The following BBS4 variants were observed in gnomAD, a reference collection of about 807,000 sequenced individuals.
The protein encoded by BBS4 is Bardet-Biedl syndrome 4.
In BBS4, 58 loss-of-function variants were observed where a neutral mutation model predicts 71.4. That is an observed-to-expected ratio of 0.81 (90% confidence interval 0.66 to 1.01). BBS4 has a LOEUF of 1.01. Ranked by LOEUF, BBS4 falls within the 50% of genes least tolerant of loss-of-function variation. The probability of loss-of-function intolerance (pLI) is 0.00; values close to 1 mark genes in which losing one functional copy is unlikely to be tolerated. For missense variants in BBS4, 660 were observed against 607.9 expected (o/e 1.09, Z -0.90); for synonymous variants, 228 against 216.8 (o/e 1.05, Z -0.46).
intron 2 of BBS4, among the ~76,000 whole-genome samples, chr15:72,700,570 G>T (rs2065152838): frequency 6.6e-6 from 1 of 151,892 alleles, no homozygotes. Flanking sequence ...TATACTTATT[G>T]GTCATATCTT....
intron 14 of BBS4, 65 bp from the exon 15 acceptor site, chr15:72,736,697 G>T: frequency 6.5e-7 from 1 of 1,533,510 alleles, no homozygotes; most frequent in Non-Finnish European, 9.0e-7. Flanking sequence ...GAAGACCAAA[G>T]AAGTGGGTTG....
rs760023850 is a variant in BBS4 at position 72,727,941 on chromosome 15, T to C, written c.589T>C (p.Phe197Leu). ...CCTCTGAGCATCTCTATGTTGCAGGTTCTCACCAGAAAATACAGAGCTTCT... is the reference window on the plus strand; with the variant it reads ...CCTCTGAGCATCTCTATGTTGCAGGCTCTCACCAGAAAATACAGAGCTTCT... Reference protein sequence around the residue: ...AIEVYKKAVEFSPENTELLTT... With the variant: ...AIEVYKKAVELSPENTELLTT... The change falls in exon 9 of 16, where the codon TTC (phenylalanine) becomes CTC (leucine). Residue 197 changes from phenylalanine (F) to leucine (L), a missense_variant and splice_region_variant. Transcript: ENST00000268057. 2 of 1,611,154 alleles carry C rather than the reference T, an allele frequency of 1.2e-6. No homozygotes were observed. The highest frequency in any genetic ancestry group is 4.5e-5 in the East Asian group (2 of 44,870).
At chr15:72,714,410 G>A (rs143121959) in intron 4 of BBS4, among the ~76,000 whole-genome samples, 64 of 152,010 alleles carry the variant, frequency 4.2e-4, no homozygotes, top group South Asian at 1.5e-3. Flanking sequence ...ATTTTTAGTA[G>A]AGACAAGGTT....
Position 72,731,455 on chromosome 15 carries a change from G to T in BBS4, c.862G>T (p.Ala288Ser). 2 of 1,614,160 alleles carry T rather than the reference G, an allele frequency of 1.2e-6. No individual in the cohort carries two copies. The highest frequency in any genetic ancestry group is 1.7e-6 in the Non-Finnish European group (2 of 1,180,044). Residue 288 changes from alanine to serine, a missense_variant and splice_region_variant, in exon 11 of 16, where the codon GCG (alanine) becomes TCG (serine). Transcript: ENST00000268057. ...MCFFGKKKYV[A>S]AISCLKRANY... ...TTTCTTTGGCAAGAAGAAATATGTG[G>T]CGGTGAGTGTCCCCTCATGTTCTTT...
intron 6 of BBS4, among the ~76,000 whole-genome samples, chr15:72,718,553 G>A (rs2065507914): frequency 6.6e-6 from 1 of 152,184 alleles, no homozygotes; most frequent in South Asian, 2.1e-4. Flanking sequence ...CAATTTGTTA[G>A]TCGCTTTTCT....
intron 2 of BBS4, among the ~76,000 whole-genome samples, chr15:72,699,173 G>A (rs780215569): frequency 1.4e-4 from 21 of 150,496 alleles, no homozygotes; most frequent in Non-Finnish European, 2.8e-4. Flanking sequence ...TGCAACCTCT[G>A]CCTCCCGGGT....
At chr15:72,696,406 G>C (rs1003542782) in intron 2 of BBS4, among the ~76,000 whole-genome samples, 1 of 151,984 alleles carries the variant, frequency 6.6e-6, no homozygotes, top group African/African-American at 2.4e-5. Flanking sequence ...CAAATTCTGA[G>C]TTTCGACAAA....
chr15:72,687,579 G>A lies in BBS4; in HGVS notation c.24+1328G>A, dbSNP rs1315648312. On this transcript the variant is annotated intron_variant, in intron 1 of 15. Coordinates refer to ENST00000268057, the MANE Select transcript of BBS4 (RefSeq NM_033028.5). ...AGATCATGCCATTGCACTCCAGCAT[G>A]AGCGACAGAGACAGACTCCTTCTCA... Among the ~76,000 whole-genome samples, 5 of 149,014 alleles carry A rather than the reference G, an allele frequency of 3.4e-5. No homozygotes were observed. The East Asian group carries it at 1.0e-3, about 30-fold the overall frequency.
chr15:72,704,235 CT>C (rs1403897763), intron 2 of BBS4, among the ~76,000 whole-genome samples: 1 of 152,268 alleles, frequency 6.6e-6, no homozygotes, highest in African/African-American at 2.4e-5. Flanking sequence ...ATCTCGTCAG[CT>C]GGCTACCTGA....
chr15:72,733,432 TG>T (rs2065864908), intron 12 of BBS4, among the ~76,000 whole-genome samples: 1 of 152,148 alleles, frequency 6.6e-6, no homozygotes, highest in African/African-American at 2.4e-5. Context: ...TATTTTTTTC[TG>T]GCCCTCCCCC....
Position 72,690,012 on chromosome 15 carries a change from G to A in BBS4, c.24+3761G>A, listed in dbSNP as rs533050111. Among the ~76,000 whole-genome samples, 47 of 152,034 alleles carry A rather than the reference G, an allele frequency of 3.1e-4. No homozygotes were observed. The South Asian group carries it at 9.1e-3, about 30-fold the overall frequency. On this transcript the variant is annotated intron_variant, in intron 1 of 15. Transcript: ENST00000268057. ...TTTTTAGTAGAGACGGGGTTTCACC[G>A]TGTTAGCCAGGATGGTTTCAATCTC...
chr15:72,713,125 G>A (rs1027007310), intron 4 of BBS4, among the ~76,000 whole-genome samples: 1 of 151,842 alleles, frequency 6.6e-6, no homozygotes, highest in Admixed American at 6.6e-5. Context: ...AAAGTGCTGG[G>A]ATTATAGGCA....
Position 72,704,522 on chromosome 15 carries a change from G to C in BBS4, c.77-5178G>C, listed in dbSNP as rs185650106. On this transcript the variant is annotated intron_variant, in intron 2 of 15. Coordinates refer to ENST00000268057, the MANE Select transcript of BBS4 (RefSeq NM_033028.5). ...TAAATTCAGGATTCATAGATTCTAG[G>C]GATTTCTGAGGTATCCAGAATTCCT... is the stretch of plus-strand genomic sequence containing the variant. The C allele has an allele frequency of 1.0e-5, 11 of 1,090,910 alleles. No individual in the cohort carries two copies. In the Admixed American group the frequency reaches 2.4e-4, roughly 24 times the overall value. 67.6% of individuals were successfully genotyped at this position (1,090,910 alleles called of 1,614,324 possible).
At chr15:72,715,158 T>G (rs987676755) in intron 4 of BBS4, 133 bp from the exon 5 acceptor site, 3 of 695,164 alleles carry the variant, frequency 4.3e-6, no homozygotes, top group Non-Finnish European at 5.1e-6. Flanking sequence ...CTGATTGTTT[T>G]AAGGATACAG....
At chr15:72,702,744 C>A (rs536242521) in intron 2 of BBS4, among the ~76,000 whole-genome samples, 1 of 150,414 alleles carries the variant, frequency 6.6e-6, no homozygotes, top group Non-Finnish European at 1.5e-5. Context: ...TGGGCCTGTT[C>A]GCCCTCAGAT....
intron 13 of BBS4, chr15:72,735,618 T>G: frequency 1.5e-6 from 1 of 673,532 alleles, no homozygotes; most frequent in Non-Finnish European, 2.6e-6. Flanking sequence ...GATGCCAGAT[T>G]TGGTCCCAAT....
chr15:72,716,668 A>G, intron 5 of BBS4, 110 bp from the exon 6 acceptor site: 1 of 847,208 alleles, frequency 1.2e-6, no homozygotes, highest in Non-Finnish European at 1.9e-6. Flanking sequence ...TCATAGAGAA[A>G]AGGCTTCTAG....
intron 2 of BBS4, among the ~76,000 whole-genome samples, chr15:72,709,494 T>G (rs1180169887): frequency 6.6e-6 from 1 of 152,222 alleles, no homozygotes; most frequent in Non-Finnish European, 1.5e-5. Flanking sequence ...ACTCAAGATA[T>G]GTATTCAACA....
chr15:72,715,169 T>C, intron 4 of BBS4, 122 bp from the exon 5 acceptor site: 1 of 721,662 alleles, frequency 1.4e-6, no homozygotes, highest in South Asian at 1.5e-5. Context: ...AAGGATACAG[T>C]TGTCCAAAGG....
Sources: gnomAD v4.1 joint callset for allele counts (sites outside exome capture counted in the v4.1 genomes callset) on GRCh38, gnomAD v4.1.1 for gene constraint, MANE v1.5 for transcripts, NCBI Gene and HGNC (gene_info 2026-07-23, HGNC 2026-07-21) for gene names.